ARHGAP15: variants seen among roughly 807,000 people sequenced by gnomAD.
ARHGAP15 encodes rho GTPase-activating protein 15.
Under a neutral mutation model 63.7 loss-of-function variants are expected in ARHGAP15, and 51 were observed. The ratio of observed to expected loss-of-function variants is 0.80; its 90% CI spans 0.64 to 1.01. The LOEUF (loss-of-function observed/expected upper bound fraction) is 1.01, where lower values mean the gene tolerates loss of function less well. ARHGAP15 is among the 50% of genes least tolerant of loss of function. The pLI, the probability that ARHGAP15 is intolerant of heterozygous loss-of-function variation, is 0.00. For missense variants in ARHGAP15, 560 were observed against 564.6 expected, an observed-to-expected ratio of 0.99 and a Z score of 0.08; for synonymous variants, 191 against 193.8, an observed-to-expected ratio of 0.99 and a Z score of 0.12.
intron 13 of ARHGAP15, among the ~76,000 whole-genome samples, chr2:143,734,704 T>C (rs1685677584): frequency 6.6e-6 from 1 of 152,158 alleles, no homozygotes; most frequent in South Asian, 2.1e-4. Flanking sequence ...ACAAAGACAT[T>C]TTGGGATGTG....
intron 6 of ARHGAP15, among the ~76,000 whole-genome samples, chr2:143,359,605 T>G (rs944976083): frequency 1.3e-5 from 2 of 152,170 alleles, no homozygotes; most frequent in African/African-American, 2.4e-5. Flanking sequence ...AGAAGCTTCT[T>G]TCTCTGCCTC....
At chr2:143,303,447 A>G (rs1277392857) in intron 6 of ARHGAP15, among the ~76,000 whole-genome samples, 1 of 152,054 alleles carries the variant, frequency 6.6e-6, no homozygotes, top group Non-Finnish European at 1.5e-5. Flanking sequence ...CCTTCCTTAC[A>G]CCTTATATAA....
intron 10 of ARHGAP15, among the ~76,000 whole-genome samples, chr2:143,526,677 A>G (rs2105003462): frequency 6.6e-6 from 1 of 152,254 alleles, no homozygotes; most frequent in East Asian, 1.9e-4. Context: ...AGTTAGCAGG[A>G]TGTTTTAGCC....
intron 2 of ARHGAP15, among the ~76,000 whole-genome samples, chr2:143,168,909 A>G (rs1436655066): frequency 6.6e-6 from 1 of 152,026 alleles, no homozygotes; most frequent in Non-Finnish European, 1.5e-5. Flanking sequence ...AATGAACTCT[A>G]CAAACAGTCT....
At chr2:143,596,089 A>G (rs561903548) in intron 11 of ARHGAP15, among the ~76,000 whole-genome samples, 1 of 152,248 alleles carries the variant, frequency 6.6e-6, no homozygotes, top group South Asian at 2.1e-4. Flanking sequence ...TGTTGGTTCT[A>G]TTCTCCAGGA....
chr2:143,429,623 A>G (rs1213800140), intron 6 of ARHGAP15, among the ~76,000 whole-genome samples: 1 of 152,132 alleles, frequency 6.6e-6, no homozygotes, highest in Non-Finnish European at 1.5e-5. Flanking sequence ...TTGAAAACAT[A>G]TCCAATAAGC....
At chr2:143,714,584 C>T (rs374890319) in intron 13 of ARHGAP15, among the ~76,000 whole-genome samples, 1 of 152,236 alleles carries the variant, frequency 6.6e-6, no homozygotes, top group African/African-American at 2.4e-5. Flanking sequence ...ATTTTCTGAA[C>T]TTTTATGCTC....
Position 143,598,893 on chromosome 2 carries a change from G to A in ARHGAP15, c.1004-25240G>A, listed in dbSNP as rs545162349. Reference sequence around the variant, plus strand: ...GATCGCACCACTGCACTCCATCCTCGGAGACAGCAAGACCTTATCTTAAAA... The same window carrying A: ...GATCGCACCACTGCACTCCATCCTCAGAGACAGCAAGACCTTATCTTAAAA... On this transcript the variant is annotated intron_variant, in intron 11 of 13. Coordinates refer to ENST00000295095, the MANE Select transcript of ARHGAP15 (RefSeq NM_018460.4). Among the ~76,000 whole-genome samples, 5 of 151,884 alleles carry A rather than the reference G, an allele frequency of 3.3e-5. No homozygotes were observed. In the South Asian group the frequency reaches 6.2e-4, roughly 19 times the overall value.
At chr2:143,182,519 GA>G (rs1173249910) in intron 2 of ARHGAP15, among the ~76,000 whole-genome samples, 4 of 152,154 alleles carry the variant, frequency 2.6e-5, no homozygotes, top group Non-Finnish European at 4.4e-5. Flanking sequence ...TGGTGGGGAG[GA>G]AAAGAGGAGA....
intron 2 of ARHGAP15, among the ~76,000 whole-genome samples, chr2:143,181,993 G>A (rs1432451617): frequency 6.7e-6 from 1 of 150,368 alleles, no homozygotes; most frequent in Non-Finnish European, 1.5e-5. Context: ...CCCTGGCTGG[G>A]TGCAGTGGTG....
intron 6 of ARHGAP15, among the ~76,000 whole-genome samples, chr2:143,294,298 T>G (rs1682537694): frequency 6.6e-6 from 1 of 152,082 alleles, no homozygotes; most frequent in Admixed American, 6.6e-5. Context: ...GCTTCTGACA[T>G]TTTGACATTT....
chr2:143,647,629 G>A (rs1323261232), intron 12 of ARHGAP15, among the ~76,000 whole-genome samples: 1 of 152,046 alleles, frequency 6.6e-6, no homozygotes, highest in African/African-American at 2.4e-5. Context: ...AATTGTAAGA[G>A]GACAAGCCAA....
At chr2:143,238,971 G>T (rs942864733) in intron 5 of ARHGAP15, among the ~76,000 whole-genome samples, 1 of 152,070 alleles carries the variant, frequency 6.6e-6, no homozygotes, top group Admixed American at 6.6e-5. Context: ...AGTGGGAGCT[G>T]AATAATGAGA....
chr2:143,709,417 G>A (rs1462573099), intron 13 of ARHGAP15, among the ~76,000 whole-genome samples: 2 of 152,208 alleles, frequency 1.3e-5, no homozygotes, highest in South Asian at 2.1e-4. Flanking sequence ...TATATTTGCT[G>A]CAGATTTTAC....
intron 5 of ARHGAP15, chr2:143,237,055 G>A (rs1156561799): frequency 2.6e-5 from 4 of 152,146 alleles, no homozygotes; most frequent in Non-Finnish European, 4.4e-5. Flanking sequence ...ATTGGGAGAA[G>A]AGATCATTTC....
chr2:143,564,405 T>C (rs974581539), intron 11 of ARHGAP15, among the ~76,000 whole-genome samples: 2 of 152,182 alleles, frequency 1.3e-5, no homozygotes, highest in African/African-American at 4.8e-5. Flanking sequence ...AATCTAGTGG[T>C]AGAGCTTTTC....
chr2:143,352,127 T>A (rs796515779), intron 6 of ARHGAP15, among the ~76,000 whole-genome samples: 9 of 152,230 alleles, frequency 5.9e-5, no homozygotes, highest in African/African-American at 2.2e-4. Context: ...TATTGCAGTA[T>A]TTTAAATGTG....
intron 13 of ARHGAP15, among the ~76,000 whole-genome samples, chr2:143,747,349 A>G (rs1398327481): frequency 6.6e-6 from 1 of 152,192 alleles, no homozygotes; most frequent in Non-Finnish European, 1.5e-5. Context: ...TTGGTGTGGT[A>G]TATTTGTTGT....
At chr2:143,253,887 G>T (rs959551043) in intron 6 of ARHGAP15, among the ~76,000 whole-genome samples, 4 of 151,994 alleles carry the variant, frequency 2.6e-5, no homozygotes, top group African/African-American at 9.7e-5. Flanking sequence ...ATTTATAAAA[G>T]ATCATACAAA....
Sources: allele counts gnomAD v4.1 joint callset (sites outside exome capture counted in the v4.1 genomes callset), GRCh38; gene constraint gnomAD v4.1.1; transcripts MANE v1.5; gene names NCBI Gene and HGNC (gene_info 2026-07-23, HGNC 2026-07-21).